UBE3D: variants seen among roughly 807,000 people sequenced by gnomAD.
The protein encoded by UBE3D is ubiquitin protein ligase E3D.
A neutral mutation model predicts 49.6 loss-of-function variants in UBE3D; 48 were observed. That is an observed-to-expected ratio of 0.97 (90% confidence interval 0.77 to 1.23). The LOEUF (loss-of-function observed/expected upper bound fraction) is 1.23. UBE3D is among the 50% of genes most tolerant of loss of function. UBE3D has a pLI of 0.00. For synonymous variants in UBE3D, 189 were observed against 174.2 expected (o/e 1.08, Z -0.67); for missense variants, 452 against 468.4 (o/e 0.96, Z 0.32).
chr6:83,053,631 A>C (rs1783619163), intron 3 of UBE3D, among the ~76,000 whole-genome samples: 1 of 152,238 alleles, frequency 6.6e-6, no homozygotes, highest in African/African-American at 2.4e-5. Context: ...ATCACAGCAC[A>C]TGGCAAGAAT....
intron 3 of UBE3D, among the ~76,000 whole-genome samples, chr6:83,050,201 CTA>C (rs1488329920): frequency 2.0e-5 from 3 of 150,786 alleles, no homozygotes; most frequent in Non-Finnish European, 4.4e-5. Flanking sequence ...AAACTGTCCT[CTA>C]TATCTTATTT....
downstream of UBE3D, among the ~76,000 whole-genome samples, chr6:82,889,864 G>T (rs1400866192): frequency 6.6e-6 from 1 of 151,354 alleles, no homozygotes; most frequent in Non-Finnish European, 1.5e-5. Context: ...ACCTATATAG[G>T]TTTGCCAAAA....
At chr6:82,886,508 G>C in the UBE3D span, among the ~76,000 whole-genome samples, 1 of 152,184 alleles carries the variant, frequency 6.6e-6, no homozygotes, top group Non-Finnish European at 1.5e-5. Flanking sequence ...CATAGCCCGG[G>C]GGTTGGAGAC....
intron 8 of UBE3D, among the ~76,000 whole-genome samples, chr6:82,997,582 G>C (rs13191028): frequency 0.15 from 23,255 of 152,092 alleles, 2,424 homozygotes; most frequent in Middle Eastern, 0.26. Context: ...AGCCAGGCAT[G>C]GTGGCGGGTG....
chr6:83,044,799 T>G, intron 3 of UBE3D, 140 bp from the exon 4 acceptor site: 1 of 699,274 alleles, frequency 1.4e-6, no homozygotes, highest in South Asian at 1.9e-5. Flanking sequence ...ATAAAAGTAA[T>G]ATATACTCAC....
chr6:82,972,845 G>A (rs1777449438), intron 8 of UBE3D, among the ~76,000 whole-genome samples: 1 of 152,034 alleles, frequency 6.6e-6, no homozygotes, highest in Non-Finnish European at 1.5e-5. Flanking sequence ...AGAAATACAT[G>A]TCTAGTCTAT....
intron 8 of UBE3D, among the ~76,000 whole-genome samples, chr6:83,016,925 T>C (rs949166061): frequency 6.6e-5 from 10 of 152,260 alleles, no homozygotes; most frequent in African/African-American, 4.8e-5. Flanking sequence ...GCCTGCTTTA[T>C]ATTCCAGCCA....
intron 8 of UBE3D, among the ~76,000 whole-genome samples, chr6:82,996,966 T>C (rs1221952288): frequency 1.3e-5 from 2 of 152,192 alleles, no homozygotes; most frequent in African/African-American, 2.4e-5. Flanking sequence ...TGCACCAATG[T>C]TGGTTTCTTA....
At chr6:83,018,906 C>T in intron 8 of UBE3D, 67 bp downstream of exon 8, 1 of 1,578,008 alleles carries the variant, frequency 6.3e-7, no homozygotes, top group Non-Finnish European at 8.6e-7. Context: ...TCATTAATTT[C>T]TTAACACCAA....
At chr6:83,034,572 G>T (rs796609222) in intron 5 of UBE3D, among the ~76,000 whole-genome samples, 1 of 152,014 alleles carries the variant, frequency 6.6e-6, no homozygotes, top group African/African-American at 2.4e-5. Context: ...CATGGGGGTG[G>T]TCTCTAATGG....
At chr6:83,039,090 C>T (rs1030222298) in intron 4 of UBE3D, among the ~76,000 whole-genome samples, 4 of 152,230 alleles carry the variant, frequency 2.6e-5, no homozygotes, top group South Asian at 2.1e-4. Flanking sequence ...TCCAAATTCG[C>T]TATTTGAGAT....
rs376098056 is a variant in UBE3D, at chr6:83,001,639, C to CTACAAGGAAAAAGAGATTG, written c.1010+17333_1010+17334insCAATCTCTTTTTCCTTGTA. Among the ~76,000 whole-genome samples the CTACAAGGAAAAAGAGATTG allele has an allele frequency of 9.8e-3, 1,494 of 152,236 alleles. 23 individuals carry two copies. The highest frequency in any genetic ancestry group is 0.034 in the African/African-American group (1,416 of 41,538). On this transcript the variant is annotated intron_variant, in intron 8 of 9. Transcript: ENST00000369747. ...AGATGGTAACAGGAAAGCGGAAGGA[C>CTACAAGGAAAAAGAGATTG]TACAAGGAAAGGGAAGCTTGAAGCC... is the stretch of plus-strand genomic sequence containing the variant.
At chr6:82,889,399 T>C (rs1169464860), downstream of UBE3D, among the ~76,000 whole-genome samples, 1 of 152,206 alleles carries the variant, frequency 6.6e-6, no homozygotes, top group Non-Finnish European at 1.5e-5. Flanking sequence ...CATGTCTGGG[T>C]CTAATCGGAT....
At chr6:83,004,918 CAG>C (rs1472609083) in intron 8 of UBE3D, among the ~76,000 whole-genome samples, 2 of 152,108 alleles carry the variant, frequency 1.3e-5, no homozygotes, top group Non-Finnish European at 2.9e-5. Context: ...CAGAATTAAG[CAG>C]AGTTTGGCAA....
intron 8 of UBE3D, among the ~76,000 whole-genome samples, chr6:83,012,608 C>T (rs780274270): frequency 2.0e-5 from 3 of 152,196 alleles, no homozygotes; most frequent in Admixed American, 6.5e-5. Flanking sequence ...CGTTGGTAAG[C>T]TCTCACATGG....
intron 9 of UBE3D, among the ~76,000 whole-genome samples, chr6:82,930,026 C>T (rs1334961280): frequency 6.6e-6 from 1 of 152,106 alleles, no homozygotes; most frequent in Non-Finnish European, 1.5e-5. Context: ...TTCCCATAAT[C>T]CCCATGTATC....
At chr6:83,029,131 A>G (rs1329340359) in intron 5 of UBE3D, among the ~76,000 whole-genome samples, 1 of 152,186 alleles carries the variant, frequency 6.6e-6, no homozygotes, top group Non-Finnish European at 1.5e-5. Context: ...AAATTCTTAG[A>G]TCTGAAAGCC....
intron 9 of UBE3D, among the ~76,000 whole-genome samples, chr6:82,908,221 G>A (rs1397897089): frequency 6.6e-6 from 1 of 152,132 alleles, no homozygotes; most frequent in Admixed American, 6.6e-5. Flanking sequence ...GGAACTTTAT[G>A]GGAAATGGAT....
intron 2 of UBE3D, among the ~76,000 whole-genome samples, chr6:83,055,638 C>T (rs981365605): frequency 4.6e-5 from 7 of 152,072 alleles, no homozygotes; most frequent in Admixed American, 2.0e-4. Flanking sequence ...AGCGTTGCTG[C>T]GGGGGATCAA....
Sources: allele counts gnomAD v4.1 joint callset (sites outside exome capture counted in the v4.1 genomes callset), GRCh38; gene constraint gnomAD v4.1.1; transcripts MANE v1.5; gene names NCBI Gene and HGNC (gene_info 2026-07-23, HGNC 2026-07-21).